Variants in SUMF1 observed in about 807,000 individuals in gnomAD.
SUMF1 encodes the protein formylglycine-generating enzyme.
Under a neutral mutation model 47.6 loss-of-function variants are expected in SUMF1, and 48 were observed. That is an observed-to-expected ratio of 1.01 (90% CI 0.80 to 1.28). The LOEUF (loss-of-function observed/expected upper bound fraction) is 1.28, where lower values mean the gene tolerates loss of function less well. SUMF1 is among the 50% of genes most tolerant of loss of function. The pLI is 0.00. For synonymous variants in SUMF1, 230 were observed against 192.1 expected, an observed-to-expected ratio of 1.20 and a Z score of -1.63; for missense variants, 571 against 485.4, an observed-to-expected ratio of 1.18 and a Z score of -1.66.
intron 8 of SUMF1, among the ~76,000 whole-genome samples, chr3:4,149,611 A>G (rs1472612921): frequency 1.3e-5 from 2 of 152,178 alleles, no homozygotes; most frequent in Non-Finnish European, 2.9e-5. Context: ...CTGTCCTTCC[A>G]AAATTTTGCA....
rs555301058 is a variant in SUMF1 at position 4,112,962 on chromosome 3, G to T, written c.1015-44217C>A. ...TGCATAAATAGTTACAATTTCTAAA[G>T]TATGTGGCAGGATGAGGTGTTCTGA... On this transcript the variant is annotated intron_variant and NMD_transcript_variant, in intron 8 of 12. Transcript: ENST00000448413. Among the ~76,000 whole-genome samples the T allele has an allele frequency of 2.0e-5, 3 of 152,238 alleles. No homozygotes were observed. In the South Asian group the frequency reaches 6.2e-4, roughly 32 times the overall value.
At chr3:4,335,973 A>AAAC (rs372951659) in intron 8 of SUMF1, among the ~76,000 whole-genome samples, 9,000 of 148,294 alleles carry the variant, frequency 0.061, 617 homozygotes, top group South Asian at 0.29. Context: ...AAAAAAAAAA[A>AAAC]AAAAAAACAG....
At chr3:4,114,905 T>C (rs941657813) in intron 8 of SUMF1, among the ~76,000 whole-genome samples, 4 of 152,118 alleles carry the variant, frequency 2.6e-5, no homozygotes, top group African/African-American at 9.7e-5. Context: ...CCTTGTGATA[T>C]GGGAAGAAGG....
rs1291410989 is a variant in SUMF1, at chr3:4,416,998, G to GC, written c.840+129dup. ...GTTTAATTATTAGTATTTGCTACGT[G>GC]CAACAGTGAATGCATACACGAAGGG... On this transcript the variant is annotated intron_variant, in intron 6 of 8. Coordinates refer to ENST00000272902, the MANE Select transcript of SUMF1 (RefSeq NM_182760.4). The GC allele has an allele frequency of 4.8e-6, 4 of 825,136 alleles. No individual in the cohort carries two copies. In the East Asian group the frequency reaches 9.9e-5, roughly 20 times the overall value. The allele number at this position is 825,136 out of a possible 1,614,324, so 51.1% of individuals were successfully genotyped here.
At chr3:4,303,297 C>A in intron 8 of SUMF1, 1 of 1,405,990 alleles carries the variant, frequency 7.1e-7, no homozygotes, top group East Asian at 3.0e-5. Context: ...GGTGGGGCCA[C>A]GGGACCACAA....
At chr3:4,302,213 G>C (rs1007047932) in intron 8 of SUMF1, among the ~76,000 whole-genome samples, 3 of 152,154 alleles carry the variant, frequency 2.0e-5, no homozygotes, top group African/African-American at 4.8e-5. Flanking sequence ...TGCCCAAGGT[G>C]GTTGGGATAC....
At chr3:4,109,240 T>G (rs1029690649) in intron 8 of SUMF1, among the ~76,000 whole-genome samples, 5 of 152,106 alleles carry the variant, frequency 3.3e-5, no homozygotes, top group Admixed American at 3.3e-4. Flanking sequence ...TTTAAGAATG[T>G]TGAATATTGG....
chr3:4,192,240 T>C (rs1254834216), intron 8 of SUMF1, among the ~76,000 whole-genome samples: 1 of 152,050 alleles, frequency 6.6e-6, no homozygotes, highest in African/African-American at 2.4e-5. Context: ...GCTATGAAGA[T>C]GATAAGAGCA....
intron 8 of SUMF1, chr3:4,317,333 G>T (rs1698706930): frequency 1.1e-5 from 9 of 823,610 alleles, no homozygotes; most frequent in African/African-American, 3.4e-5. Flanking sequence ...TATCTTCATA[G>T]ATTGAAATAT....
intron 8 of SUMF1, among the ~76,000 whole-genome samples, chr3:4,280,793 C>G (rs960787980): frequency 6.9e-6 from 1 of 145,776 alleles, no homozygotes; most frequent in Non-Finnish European, 1.5e-5. Flanking sequence ...AGTATAACTC[C>G]AATCTTCAAA....
intron 7 of SUMF1, among the ~76,000 whole-genome samples, chr3:4,396,098 C>T (rs1701031099): frequency 6.6e-6 from 1 of 152,286 alleles, no homozygotes; most frequent in African/African-American, 2.4e-5. Flanking sequence ...TGGACACCCA[C>T]TCATTGGCCT....
intron 8 of SUMF1, among the ~76,000 whole-genome samples, chr3:4,159,870 T>C (rs1056912717): frequency 6.6e-6 from 1 of 152,166 alleles, no homozygotes; most frequent in Non-Finnish European, 1.5e-5. Flanking sequence ...ACTTTAAATA[T>C]GTCATGCCAT....
At chr3:4,082,210 G>A (rs950499931) in intron 8 of SUMF1, among the ~76,000 whole-genome samples, 3 of 152,002 alleles carry the variant, frequency 2.0e-5, no homozygotes, top group Admixed American at 2.0e-4. Context: ...ACTCACACCT[G>A]TAATCCCAGC....
chr3:4,192,863 T>A lies in SUMF1; in HGVS notation c.1015-124118A>T, dbSNP rs184233310. On this transcript the variant is annotated intron_variant and NMD_transcript_variant, in intron 8 of 12. Coordinates refer to the SUMF1 transcript ENST00000448413. ...GCCAAGGCTCAGGTAAGCTTCATGG[T>A]TGGTGGATAGATCAACGTGTCAAGA... Among the ~76,000 whole-genome samples the A allele has an allele frequency of 7.3e-4, 111 of 152,194 alleles. No individual in the cohort carries two copies. In the Middle Eastern group the frequency reaches 0.01, roughly 14 times the overall value.
intron 1 of SUMF1, among the ~76,000 whole-genome samples, chr3:4,466,135 G>A (rs951201238): frequency 4.6e-5 from 7 of 151,466 alleles, no homozygotes; most frequent in Non-Finnish European, 8.8e-5. Context: ...TTTTCGAGAC[G>A]GAGTCTCGCC....
At chr3:4,256,014 T>C (rs1267100455) in intron 8 of SUMF1, among the ~76,000 whole-genome samples, 4 of 150,352 alleles carry the variant, frequency 2.7e-5, no homozygotes, top group Admixed American at 6.6e-5. Context: ...CCTGAATGAC[T>C]ACTGGGTACA....
At chr3:4,157,409 A>G (rs193230007) in intron 8 of SUMF1, among the ~76,000 whole-genome samples, 1 of 151,622 alleles carries the variant, frequency 6.6e-6, no homozygotes, top group East Asian at 1.9e-4. Context: ...TGGAATATTT[A>G]TCAACATTAC....
chr3:4,144,510 C>T (rs1444351147), intron 8 of SUMF1, among the ~76,000 whole-genome samples: 2 of 151,996 alleles, frequency 1.3e-5, no homozygotes, highest in African/African-American at 2.4e-5. Context: ...AAACAAGAGA[C>T]CAGAAATAAA....
At chr3:4,079,772 T>G (rs1206676419) in intron 8 of SUMF1, among the ~76,000 whole-genome samples, 4 of 150,708 alleles carry the variant, frequency 2.7e-5, no homozygotes, top group Non-Finnish European at 4.4e-5. Flanking sequence ...GTCCTGGAGG[T>G]GACAGTGGCA....
Sources: gnomAD v4.1 joint callset for allele counts (sites outside exome capture counted in the v4.1 genomes callset) on GRCh38, gnomAD v4.1.1 for gene constraint, MANE v1.5 for transcripts, NCBI Gene and HGNC (gene_info 2026-07-23, HGNC 2026-07-21) for gene names.